The following NCKAP5 variants were observed in gnomAD, a reference collection of about 807,000 sequenced individuals.
NCKAP5 encodes NCK associated protein 5.
NCKAP5 carries 92 observed loss-of-function variants against 167.0 expected under a neutral mutation model. That is an observed-to-expected ratio of 0.55 (90% confidence interval 0.47 to 0.66). The LOEUF (loss-of-function observed/expected upper bound fraction) is 0.66. NCKAP5 is among the 30% of genes least tolerant of loss of function. The pLI is 0.00. For synonymous variants in NCKAP5, 891 were observed against 877.4 expected (o/e 1.02, Z -0.27); for missense variants, 2,378 against 2,315.0 (o/e 1.03, Z -0.56).
chr2:132,984,812 T>C lies in NCKAP5; in HGVS notation c.429+9340A>G, dbSNP rs189669115. On this transcript the variant is annotated intron_variant, in intron 7 of 19. Coordinates refer to ENST00000409261, the MANE Select transcript of NCKAP5 (RefSeq NM_207363.3). ...TTTTTTAGCCACAAGTGAATAAAAG[T>C]AAGGTCAAAGTTCAAGGACTGATAT... 7.4e-3 allele frequency among the ~76,000 whole-genome samples: 1,128 copies of C among 151,540 alleles called. 6 individuals are homozygous for C. The highest frequency in any genetic ancestry group is 0.012 in the Non-Finnish European group (838 of 67,924).
At chr2:133,395,289 C>G (rs1269357644) in intron 3 of NCKAP5, among the ~76,000 whole-genome samples, 2 of 152,186 alleles carry the variant, frequency 1.3e-5, no homozygotes, top group African/African-American at 2.4e-5. Context: ...CCAGAAAGTC[C>G]TATTCACGGA....
chr2:132,701,055 TA>T (rs60013731), intron 19 of NCKAP5, among the ~76,000 whole-genome samples: 18,127 of 152,010 alleles, frequency 0.12, 3,439 homozygotes, highest in African/African-American at 0.4. Context: ...GTAATATACT[TA>T]ACGATAAATA....
At chr2:133,610,878 C>T in the NCKAP5 span, among the ~76,000 whole-genome samples, 1 of 151,962 alleles carries the variant, frequency 6.6e-6, no homozygotes, top group Non-Finnish European at 1.5e-5. Context: ...AAAGTCTCTC[C>T]CTTTTACTAG....
chr2:133,230,324 A>C (rs769348703), intron 4 of NCKAP5, among the ~76,000 whole-genome samples: 2 of 151,688 alleles, frequency 1.3e-5, no homozygotes, highest in African/African-American at 4.8e-5. Context: ...CCACTCATAT[A>C]CTCTCTGTGC....
the NCKAP5 span, among the ~76,000 whole-genome samples, chr2:133,576,527 G>A: frequency 3.9e-5 from 6 of 152,290 alleles, no homozygotes; most frequent in East Asian, 1.2e-3. Context: ...CAAACATATA[G>A]TACTTCAGGT....
chr2:133,508,479 C>T (rs1318955628), intron 3 of NCKAP5, among the ~76,000 whole-genome samples: 1 of 152,176 alleles, frequency 6.6e-6, no homozygotes, highest in Non-Finnish European at 1.5e-5. Context: ...AAGCAGAAAT[C>T]ATAGTTTACA....
chr2:133,492,281 AT>A (rs1681534395), intron 3 of NCKAP5, among the ~76,000 whole-genome samples: 1 of 152,116 alleles, frequency 6.6e-6, no homozygotes, highest in African/African-American at 2.4e-5. Context: ...CATAAGTGAA[AT>A]TAGTTTCTCA....
chr2:132,758,836 A>T (rs1680770208), intron 16 of NCKAP5, among the ~76,000 whole-genome samples: 1 of 152,142 alleles, frequency 6.6e-6, no homozygotes, highest in Non-Finnish European at 1.5e-5. Flanking sequence ...TTTTTAACTT[A>T]AAAAAATTAC....
intron 4 of NCKAP5, among the ~76,000 whole-genome samples, chr2:133,215,824 G>A (rs979083232): frequency 3.9e-5 from 6 of 152,074 alleles, no homozygotes; most frequent in Non-Finnish European, 8.8e-5. Context: ...ATATCAAAAA[G>A]GAAGGGGTAA....
intron 8 of NCKAP5, among the ~76,000 whole-genome samples, chr2:132,952,512 G>C (rs140810603): frequency 6.6e-6 from 1 of 152,162 alleles, no homozygotes; most frequent in East Asian, 1.9e-4. Flanking sequence ...TCAGCAGTTG[G>C]TCATAACTGA....
intron 6 of NCKAP5, among the ~76,000 whole-genome samples, chr2:133,105,464 G>T (rs1434599326): frequency 6.6e-6 from 1 of 152,164 alleles, no homozygotes; most frequent in African/African-American, 2.4e-5. Flanking sequence ...CTATCCAATT[G>T]ACTTTCTCAC....
chr2:132,843,592 T>C (rs1258660566), intron 11 of NCKAP5, among the ~76,000 whole-genome samples: 6 of 143,572 alleles, frequency 4.2e-5, no homozygotes, highest in African/African-American at 1.7e-4. Context: ...TAAGTTTTTC[T>C]TTTTTTTTAA....
At chr2:132,727,983 C>T (rs13000716) in intron 18 of NCKAP5, among the ~76,000 whole-genome samples, 19,788 of 152,186 alleles carry the variant, frequency 0.13, 1,414 homozygotes, top group East Asian at 0.16. Context: ...AAAATAGCAA[C>T]CAAGGCTCTT....
the NCKAP5 span, among the ~76,000 whole-genome samples, chr2:133,610,006 G>A: frequency 2.0e-5 from 3 of 152,158 alleles, no homozygotes; most frequent in East Asian, 5.8e-4. Context: ...TCAAACACCT[G>A]CTTGATCCCA....
intron 6 of NCKAP5, among the ~76,000 whole-genome samples, chr2:133,006,351 T>C (rs570636129): frequency 3.9e-5 from 6 of 152,222 alleles, no homozygotes; most frequent in Non-Finnish European, 8.8e-5. Context: ...TTGAATCTAA[T>C]GTTAGGTATG....
intron 19 of NCKAP5, among the ~76,000 whole-genome samples, chr2:132,694,573 T>G (rs1266863133): frequency 2.0e-5 from 3 of 152,200 alleles, no homozygotes; most frequent in South Asian, 2.1e-4. Context: ...CGATTCCCAG[T>G]TAGAATTTCT....
the NCKAP5 span, among the ~76,000 whole-genome samples, chr2:133,649,252 C>T: frequency 6.7e-6 from 1 of 149,734 alleles, no homozygotes; most frequent in African/African-American, 2.5e-5. Flanking sequence ...ATCACAATCT[C>T]CTAACAAAGA....
At chr2:132,828,402 C>T (rs1053576547) in intron 11 of NCKAP5, among the ~76,000 whole-genome samples, 11 of 152,070 alleles carry the variant, frequency 7.2e-5, no homozygotes, top group Admixed American at 2.6e-4. Flanking sequence ...GTAGTTACAG[C>T]GAGATCTGGT....
At chr2:133,078,807 C>T (rs1559117920) in intron 6 of NCKAP5, among the ~76,000 whole-genome samples, 4 of 152,044 alleles carry the variant, frequency 2.6e-5, no homozygotes, top group South Asian at 2.1e-4. Context: ...AGGATGTGTT[C>T]GGTATCTCAG....
Sources: allele counts gnomAD v4.1 joint callset (sites outside exome capture counted in the v4.1 genomes callset), GRCh38; gene constraint gnomAD v4.1.1; transcripts MANE v1.5; gene names NCBI Gene and HGNC (gene_info 2026-07-23, HGNC 2026-07-21).